Variants in SLC24A2 observed in about 807,000 individuals in gnomAD.
SLC24A2 encodes sodium/potassium/calcium exchanger 2.
In SLC24A2, 36 loss-of-function variants were observed where a neutral mutation model predicts 62.0. The ratio of observed to expected loss-of-function variants is 0.58; its 90% CI spans 0.44 to 0.77. The LOEUF (loss-of-function observed/expected upper bound fraction) is 0.77. SLC24A2 is among the 30% of genes least tolerant of loss of function. The pLI, the probability that SLC24A2 is intolerant of heterozygous loss-of-function variation, is 0.00. For synonymous variants in SLC24A2, 358 were observed against 294.0 expected, an observed-to-expected ratio of 1.22 and a Z score of -2.23; for missense variants, 846 against 817.9, an observed-to-expected ratio of 1.03 and a Z score of -0.42.
At position 19,509,643 on chromosome 9, in the gene SLC24A2, A is replaced by G. The variant is rs886579484; in HGVS notation, c.*6510T>C. On this transcript the variant is annotated 3_prime_UTR_variant, in exon 11 of 11. Coordinates refer to ENST00000341998, the MANE Select transcript of SLC24A2 (RefSeq NM_020344.4). ...TTGTTTAATTAAATGGCAAGAAGTT[A>G]TCTACCCTTAATTTATGCATGTAAT... is the stretch of plus-strand genomic sequence containing the variant. 1 of 152,230 alleles carries G rather than the reference A, an allele frequency of 6.6e-6. No individual in the cohort carries two copies. Among genetic ancestry groups the G allele is most frequent in the Non-Finnish European group, 1.5e-5 (1 of 68,038 alleles). The allele number at this position is 152,230 out of a possible 1,614,324, so 9.4% of individuals were successfully genotyped here. A position where few individuals can be genotyped will look rare whatever the true frequency, so the allele number is the denominator to read the frequency against.
the SLC24A2 span, among the ~76,000 whole-genome samples, chr9:19,907,656 A>T: frequency 6.6e-6 from 1 of 152,122 alleles, no homozygotes; most frequent in Non-Finnish European, 1.5e-5. Context: ...AATGTGCAAA[A>T]ATCAAAAATC....
the SLC24A2 span, among the ~76,000 whole-genome samples, chr9:19,823,100 G>T: frequency 6.6e-6 from 1 of 152,246 alleles, no homozygotes; most frequent in Non-Finnish European, 1.5e-5. Context: ...GACCAGATCT[G>T]CCATACCACT....
chr9:20,140,487 A>G, the SLC24A2 span, among the ~76,000 whole-genome samples: 4 of 152,206 alleles, frequency 2.6e-5, no homozygotes, highest in Non-Finnish European at 5.9e-5. Context: ...AGACTCAGGC[A>G]GACTGGAAAG....
At chr9:19,997,278 A>G in the SLC24A2 span, among the ~76,000 whole-genome samples, 1 of 151,134 alleles carries the variant, frequency 6.6e-6, no homozygotes, top group Non-Finnish European at 1.5e-5. Flanking sequence ...GGGCACAGAA[A>G]GAAAGAGAAA....
the SLC24A2 span, among the ~76,000 whole-genome samples, chr9:19,977,113 T>TTGTGTGTGTGTGTG: frequency 3.5e-3 from 504 of 145,322 alleles, 2 homozygotes; most frequent in African/African-American, 0.011. Flanking sequence ...ATTTCTATAT[T>TTGTGTGTGTGTGTG]TGTGTGTGTG....
At chr9:20,083,098 T>A in the SLC24A2 span, among the ~76,000 whole-genome samples, 1 of 152,224 alleles carries the variant, frequency 6.6e-6, no homozygotes, top group Non-Finnish European at 1.5e-5. Flanking sequence ...CAGCACATGA[T>A]TCAATGAGGA....
the SLC24A2 span, among the ~76,000 whole-genome samples, chr9:20,088,303 A>C: frequency 3.9e-5 from 6 of 152,234 alleles, 2 homozygotes; most frequent in Non-Finnish European, 1.5e-5. Flanking sequence ...TGGAGCTCCC[A>C]GAGGGAGGGG....
At chr9:20,081,258 G>C in the SLC24A2 span, among the ~76,000 whole-genome samples, 1 of 152,018 alleles carries the variant, frequency 6.6e-6, no homozygotes, top group Non-Finnish European at 1.5e-5. Context: ...ACTGGATTAA[G>C]AAAATGTGGC....
At chr9:20,161,312 C>T in the SLC24A2 span, among the ~76,000 whole-genome samples, 7 of 151,196 alleles carry the variant, frequency 4.6e-5, no homozygotes, top group Non-Finnish European at 7.4e-5. Flanking sequence ...TCTTTAAAGA[C>T]GAGATAATCC....
chr9:20,128,065 C>T, the SLC24A2 span, among the ~76,000 whole-genome samples: 12 of 151,978 alleles, frequency 7.9e-5, no homozygotes, highest in Non-Finnish European at 1.5e-4. Context: ...TGTTCCTGGG[C>T]TTTAAAATGA....
chr9:20,299,611 C>T, the SLC24A2 span, among the ~76,000 whole-genome samples: 1 of 152,292 alleles, frequency 6.6e-6, no homozygotes, highest in Admixed American at 6.5e-5. Context: ...ACTGCTGATT[C>T]CTGAAGACCC....
chr9:19,810,066 C>A, the SLC24A2 span, among the ~76,000 whole-genome samples: 3 of 152,224 alleles, frequency 2.0e-5, no homozygotes, highest in South Asian at 6.2e-4. Flanking sequence ...GGCATAGAGG[C>A]CACACTGCTG....
At position 19,788,926 on chromosome 9, in the gene SLC24A2, G is replaced by A; in HGVS notation, c.-195C>T. ...GACGCGCACACGGCGGGGCCCCCGA[G>A]CGCGGCCCGCCGCTCCAGTCCGCCG... On this transcript the variant is annotated 5_prime_UTR_variant, in exon 1 of 11. Transcript: ENST00000341998. 9 of 985,144 alleles carry A rather than the reference G, an allele frequency of 9.1e-6. No homozygotes were observed. The highest frequency in any genetic ancestry group is 1.1e-5 in the Non-Finnish European group (9 of 829,684). The allele number at this position is 985,144 out of a possible 1,614,324, so 61.0% of individuals were successfully genotyped here.
chr9:19,982,762 A>T, the SLC24A2 span, among the ~76,000 whole-genome samples: 2 of 152,220 alleles, frequency 1.3e-5, no homozygotes, highest in African/African-American at 4.8e-5. Context: ...TGATTATAGA[A>T]GTGAAAATCC....
chr9:20,263,529 C>A, the SLC24A2 span, among the ~76,000 whole-genome samples: 1 of 152,150 alleles, frequency 6.6e-6, no homozygotes, highest in African/African-American at 2.4e-5. Context: ...AGATTACAGG[C>A]AGGAACCACT....
chr9:19,618,521 C>T (rs1315333878), intron 4 of SLC24A2, among the ~76,000 whole-genome samples: 1 of 152,162 alleles, frequency 6.6e-6, no homozygotes, highest in Non-Finnish European at 1.5e-5. Context: ...TGTTCCTTAC[C>T]TATTATTCTG....
At chr9:20,210,678 G>A in the SLC24A2 span, among the ~76,000 whole-genome samples, 1 of 67,270 alleles carries the variant, frequency 1.5e-5, no homozygotes, top group African/African-American at 6.2e-5. Context: ...TTTTTTTTCT[G>A]TATTTTTAGT....
the SLC24A2 span, among the ~76,000 whole-genome samples, chr9:20,099,719 G>A: frequency 5.3e-5 from 8 of 152,118 alleles, no homozygotes; most frequent in Non-Finnish European, 8.8e-5. Flanking sequence ...CTCCAAAGTA[G>A]ACTAACAAGA....
the SLC24A2 span, among the ~76,000 whole-genome samples, chr9:19,826,880 CA>C: frequency 3.3e-5 from 5 of 152,114 alleles, no homozygotes; most frequent in African/African-American, 1.2e-4. Context: ...ATGTGGTCTC[CA>C]GTGAATCTCC....
Sources: allele counts gnomAD v4.1 joint callset (sites outside exome capture counted in the v4.1 genomes callset), GRCh38; gene constraint gnomAD v4.1.1; transcripts MANE v1.5; gene names NCBI Gene and HGNC (gene_info 2026-07-23, HGNC 2026-07-21).